Variants in SYDE2 observed in about 807,000 individuals in gnomAD.
The protein encoded by SYDE2 is rho GTPase-activating protein SYDE2.
In SYDE2, 76 loss-of-function variants were observed where a neutral mutation model predicts 91.5. The observed-to-expected ratio is 0.83, with a 90% CI of 0.69 to 1.01. SYDE2 has a LOEUF of 1.01. Ranked by LOEUF, SYDE2 falls within the 50% of genes least tolerant of loss-of-function variation. The pLI, the probability that SYDE2 is intolerant of heterozygous loss-of-function variation, is 0.00. For synonymous variants in SYDE2, 513 were observed against 506.4 expected (o/e 1.01, Z -0.18); for missense variants, 1,364 against 1,367.7 (o/e 1.00, Z 0.04).
Position 85,158,957 on chromosome 1 carries a change from A to AT in SYDE2, c.3377dup (p.Tyr1126Ter). ...PSEDRKIGEN[Y>*]SKMDGPEVMI... is the part of the protein sequence containing the mutation. The stretch of plus-strand genomic sequence containing the variant: ...TTACTTCTGGCCCATCCATTTTGCT[A>AT]TAATTTTCTCCGATTTTTCTATCTT... Residue 1126 changes from tyrosine to a stop codon, truncating the protein, a stop_gained and frameshift_variant, in exon 7 of 7, where the codon TAT becomes TAAT. Coordinates refer to ENST00000341460, the MANE Select transcript of SYDE2 (RefSeq NM_032184.2). LOFTEE classifies it high-confidence loss of function. The AT allele has an allele frequency of 1.3e-6, 1 of 780,634 alleles. No homozygotes were observed. Among genetic ancestry groups the AT allele is most frequent in the Non-Finnish European group, 2.4e-6 (1 of 417,928 alleles). 48.4% of individuals were successfully genotyped at this position (780,634 alleles called of 1,614,324 possible). A position where few individuals can be genotyped will look rare whatever the true frequency, so the allele number is the denominator to read the frequency against.
Position 85,200,454 on chromosome 1 carries a change from G to A in SYDE2, c.543C>T (p.Leu181=). The A allele has an allele frequency of 6.2e-7, 1 of 1,613,960 alleles. No individual in the cohort carries two copies. Among genetic ancestry groups the A allele is most frequent in the Non-Finnish European group, 8.5e-7 (1 of 1,179,896 alleles). Residue 181 remains leucine, a synonymous_variant, in exon 1 of 7, where the codon CTC becomes CTT. Transcript: ENST00000341460. ...KGDRQEGPSF[L]RPPAVTVKKL... ...TCTTGACTGTCACTGCCGGCGGCCT[G>A]AGGAAGGAGGGGCCTTCCTGGCGGT...
rs1318271745 is a variant in SYDE2, at chr1:85,156,960, C to A, written c.*1790G>T. 1 of 152,014 alleles carries A rather than the reference C, an allele frequency of 6.6e-6. No homozygotes were observed. The highest frequency in any genetic ancestry group is 1.5e-5 in the Non-Finnish European group (1 of 67,968). 9.4% of individuals were successfully genotyped at this position (152,014 alleles called of 1,614,324 possible). The stretch of plus-strand genomic sequence containing the variant: ...AACAAAAGGAAGGAAACTGAGACAG[C>A]TTTCCTATAAAACATTCAAGAGTAC... On this transcript the variant is annotated 3_prime_UTR_variant, in exon 7 of 7. Transcript: ENST00000341460.
intron 2 of SYDE2, among the ~76,000 whole-genome samples, chr1:85,186,846 C>G (rs1326985711): frequency 2.6e-5 from 4 of 152,182 alleles, no homozygotes; most frequent in Non-Finnish European, 4.4e-5. Flanking sequence ...CTTCCTTATA[C>G]CTTCTACAAA....
chr1:85,182,827 C>A lies in SYDE2; in HGVS notation c.1815G>T (p.Gln605His). 6.2e-7 allele frequency: 1 copy of A among 1,613,840 alleles called. No homozygotes were observed. The highest frequency in any genetic ancestry group is 2.2e-5 in the East Asian group (1 of 44,876). The change falls in exon 3 of 7, where the codon CAG becomes CAT. Residue 605 changes from glutamine (Q) to histidine (H), a missense_variant. Physicochemically the swap from Gln to His is conservative, Grantham distance 24. Coordinates refer to ENST00000341460, the MANE Select transcript of SYDE2 (RefSeq NM_032184.2). The stretch of plus-strand genomic sequence containing the variant: ...ACTTAGAACTCATAGAGTTTTTCTT[C>A]TGGTAGCTCTGCTGGGAGGATACAC... Reference protein sequence around the residue: ...DTSVSSQQSYQKKNSMSSKYS... With the variant: ...DTSVSSQQSYHKKNSMSSKYS...
At chr1:85,163,238 C>G (rs1382575269) in intron 6 of SYDE2, among the ~76,000 whole-genome samples, 2 of 151,090 alleles carry the variant, frequency 1.3e-5, no homozygotes, top group East Asian at 1.9e-4. Flanking sequence ...TCCCAAGTAG[C>G]TGGGACTACA....
chr1:85,193,827 T>C (rs964163518), intron 1 of SYDE2, among the ~76,000 whole-genome samples: 2 of 152,032 alleles, frequency 1.3e-5, no homozygotes, highest in African/African-American at 2.4e-5. Flanking sequence ...AGGGTCTCAC[T>C]ATGTTGCCTA....
intron 1 of SYDE2, among the ~76,000 whole-genome samples, chr1:85,192,544 G>A (rs181175731): frequency 6.6e-6 from 1 of 152,106 alleles, no homozygotes; most frequent in African/African-American, 2.4e-5. Context: ...CCAGATGCAG[G>A]AATTAGACTA....
At chr1:85,187,322 T>A (rs1658182534) in intron 2 of SYDE2, among the ~76,000 whole-genome samples, 1 of 152,052 alleles carries the variant, frequency 6.6e-6, no homozygotes, top group South Asian at 2.1e-4. Flanking sequence ...TGAGATACCA[T>A]CTCATACCAG....
In SYDE2 at chr1:85,159,975, C is replaced by G. The variant is rs543486839; in HGVS notation, c.3086-726G>C. 5.1e-6 allele frequency: 5 copies of G among 984,464 alleles called. No individual in the cohort carries two copies. In the South Asian group the frequency reaches 2.4e-4, roughly 46 times the overall value. 61.0% of individuals were successfully genotyped at this position (984,464 alleles called of 1,614,324 possible). ...GTTTATTCTGAGAGTATGCATTGTG[C>G]TAGCCATATAGACGATTACCACAGA... On this transcript the variant is annotated intron_variant, in intron 6 of 6. Transcript: ENST00000341460.
chr1:85,167,113 C>G (rs1374467501), intron 5 of SYDE2, among the ~76,000 whole-genome samples: 3 of 149,936 alleles, frequency 2.0e-5, no homozygotes, highest in Non-Finnish European at 4.4e-5. Context: ...ACTTGGGGGG[C>G]TGAGGCAGGA....
intron 2 of SYDE2, among the ~76,000 whole-genome samples, chr1:85,185,338 T>G (rs2100677687): frequency 6.6e-6 from 1 of 151,264 alleles, no homozygotes; most frequent in African/African-American, 2.4e-5. Flanking sequence ...ACTTTTAAGT[T>G]GTGTTTTTAA....
chr1:85,161,455 G>A (rs2100643462), intron 6 of SYDE2, among the ~76,000 whole-genome samples: 1 of 152,302 alleles, frequency 6.6e-6, no homozygotes, highest in Middle Eastern at 3.4e-3. Context: ...TGGCCAGGTG[G>A]TGGCTCACGC....
In SYDE2 at chr1:85,200,805, C is replaced by A. The variant is rs944538836; in HGVS notation, c.192G>T (p.Ser64=). 3.4e-6 allele frequency: 5 copies of A among 1,464,236 alleles called. No homozygotes were observed. The East Asian group carries it at 1.1e-4, about 33-fold the overall frequency. 90.7% of individuals were successfully genotyped at this position (1,464,236 alleles called of 1,614,324 possible). ...RPRQQVSPPR[S]PQREPRGGQL... Reference sequence around the variant, plus strand: ...GGCCTCCCCGCGGCTCCCTCTGAGGCGACCGGGGCGGGGACACCTGCTGCC... The same window carrying A: ...GGCCTCCCCGCGGCTCCCTCTGAGGAGACCGGGGCGGGGACACCTGCTGCC... Residue 64 remains serine, a synonymous_variant, in exon 1 of 7, where the codon TCG becomes TCT. Transcript: ENST00000341460.
At chr1:85,171,090 T>C (rs1341744779) in intron 4 of SYDE2, among the ~76,000 whole-genome samples, 11 of 152,096 alleles carry the variant, frequency 7.2e-5, no homozygotes, top group Admixed American at 7.2e-4. Context: ...AAAATCATGT[T>C]TTAGGGGGTA....
chr1:85,168,216 T>C (rs1657366939), intron 5 of SYDE2, among the ~76,000 whole-genome samples: 1 of 152,084 alleles, frequency 6.6e-6, no homozygotes, highest in Non-Finnish European at 1.5e-5. Context: ...TTCTGCACTC[T>C]TTAGCTGTTC....
chr1:85,178,043 G>A (rs1420853827), intron 4 of SYDE2, 103 bp downstream of exon 4: 2 of 1,012,896 alleles, frequency 2.0e-6, no homozygotes, highest in East Asian at 5.3e-5. Flanking sequence ...AAAGACTTCA[G>A]AATAAAAACA....
intron 1 of SYDE2, among the ~76,000 whole-genome samples, chr1:85,196,810 TGAG>T (rs1477432775): frequency 6.6e-6 from 1 of 152,130 alleles, no homozygotes; most frequent in Non-Finnish European, 1.5e-5. Flanking sequence ...TACAAATACT[TGAG>T]AAAAGTAGAT....
At chr1:85,162,010 G>A (rs981734419) in intron 6 of SYDE2, among the ~76,000 whole-genome samples, 10 of 152,110 alleles carry the variant, frequency 6.6e-5, no homozygotes, top group Non-Finnish European at 1.3e-4. Flanking sequence ...GAACCCTAGA[G>A]CTTAGTAGAA....
chr1:85,194,264 G>A (rs1369743311), intron 1 of SYDE2, among the ~76,000 whole-genome samples: 2 of 150,950 alleles, frequency 1.3e-5, no homozygotes, highest in African/African-American at 4.8e-5. Context: ...ATGCAACAAT[G>A]TTTAACCATA....
Sources: allele counts gnomAD v4.1 joint callset (sites outside exome capture counted in the v4.1 genomes callset), GRCh38; gene constraint gnomAD v4.1.1; transcripts MANE v1.5; gene names NCBI Gene and HGNC (gene_info 2026-07-23, HGNC 2026-07-21).